Variants in LYZL2 observed in about 807,000 individuals in gnomAD.
LYZL2 encodes the protein lysozyme like 2.
Under a neutral mutation model 17.1 loss-of-function variants are expected in LYZL2, and 13 were observed. The observed-to-expected ratio is 0.76, with a 90% CI of 0.49 to 1.21. LYZL2 has a LOEUF of 1.21. Ranked by LOEUF, LYZL2 falls within the 50% of genes most tolerant of loss-of-function variation. The probability of loss-of-function intolerance (pLI) is 0.00; values close to 1 mark genes in which losing one functional copy is unlikely to be tolerated. For synonymous variants in LYZL2, 63 were observed against 74.4 expected, an observed-to-expected ratio of 0.85 and a Z score of 0.79; for missense variants, 166 against 189.2, an observed-to-expected ratio of 0.88 and a Z score of 0.72.
chr10:30,621,344 C>T (rs991253496), intron 3 of LYZL2, among the ~76,000 whole-genome samples: 4 of 152,090 alleles, frequency 2.6e-5, no homozygotes, highest in African/African-American at 9.7e-5. Context: ...CTTTGGGAGG[C>T]TGAGGTGAGA....
chr10:30,616,961 T>C (rs571687613), intron 3 of LYZL2, among the ~76,000 whole-genome samples: 43 of 152,288 alleles, frequency 2.8e-4, no homozygotes, highest in Non-Finnish European at 4.4e-4. Context: ...ACTTAAGCAT[T>C]TGGTACCTGA....
intron 3 of LYZL2, among the ~76,000 whole-genome samples, chr10:30,622,654 C>T (rs902179575): frequency 6.6e-6 from 1 of 152,196 alleles, no homozygotes; most frequent in African/African-American, 2.4e-5. Context: ...GGCCAATCTC[C>T]CGTTTCTGTA....
rs182367788 is a variant in LYZL2 at position 30,620,107 on chromosome 10, G to A, written c.298+5998C>T. 2.5e-4 allele frequency among the ~76,000 whole-genome samples: 38 copies of A among 152,282 alleles called. 1 individual carries two copies. The East Asian group carries it at 5.8e-3, about 23-fold the overall frequency. On this transcript the variant is annotated intron_variant, in intron 3 of 4. Coordinates refer to ENST00000647634, the MANE Select transcript of LYZL2 (RefSeq NM_183058.3). ...AGGATCGTTTAGAATTTCCTCAAGG[G>A]CAGAGGTTGGTAAACTGCAGCGTGA...
At chr10:30,618,265 G>T (rs1838566541) in intron 3 of LYZL2, among the ~76,000 whole-genome samples, 1 of 152,184 alleles carries the variant, frequency 6.6e-6, no homozygotes, top group South Asian at 2.1e-4. Context: ...GTAATTTATA[G>T]ATTCAATGCC....
At chr10:30,610,906 C>T (rs1183916791), downstream of LYZL2, among the ~76,000 whole-genome samples, 1 of 152,170 alleles carries the variant, frequency 6.6e-6, no homozygotes, top group Non-Finnish European at 1.5e-5. Flanking sequence ...CCTTGTCTCT[C>T]CACATCTCTT....
intron 3 of LYZL2, among the ~76,000 whole-genome samples, chr10:30,617,314 G>A (rs1838543731): frequency 6.6e-6 from 1 of 152,158 alleles, no homozygotes; most frequent in Non-Finnish European, 1.5e-5. Flanking sequence ...CTCCTATGTT[G>A]TTAGAGCATT....
intron 3 of LYZL2, among the ~76,000 whole-genome samples, chr10:30,615,455 T>A (rs388508): frequency 6.6e-6 from 1 of 152,118 alleles, no homozygotes; most frequent in Non-Finnish European, 1.5e-5. Flanking sequence ...GGTAAGCTAT[T>A]GTGACCATAG....
chr10:30,628,088 A>G (rs1023390681), intron 1 of LYZL2, among the ~76,000 whole-genome samples: 2 of 152,070 alleles, frequency 1.3e-5, no homozygotes, highest in Non-Finnish European at 2.9e-5. Flanking sequence ...TGAACCCAGG[A>G]GGCTGAGCTT....
In LYZL2 at chr10:30,626,867, C is replaced by T. The variant is rs140751445; in HGVS notation, c.49G>A (p.Ala17Thr). ...CAACGAGTGTAGATTTTGGACTCGG[C>T]GCCTGTGACCAGGCAGCCAATGAGG... is the stretch of plus-strand genomic sequence containing the variant. ...LTLIGCLVTG[A>T]ESKIYTRCKL... Residue 17 changes from alanine to threonine, a missense_variant, in exon 2 of 5, where the codon GCC (alanine) becomes ACC (threonine). Physicochemically the swap from Ala to Thr is moderately conservative, Grantham distance 58. Around this residue, in one of 2 missense-constraint regions of LYZL2, gnomAD observed 32 missense variants for 59.8 expected, o/e 0.53. Coordinates refer to ENST00000647634, the MANE Select transcript of LYZL2 (RefSeq NM_183058.3). 3.4e-5 allele frequency: 55 copies of T among 1,613,994 alleles called. No homozygotes were observed. The highest frequency in any genetic ancestry group is 3.3e-4 in the Middle Eastern group (2 of 6,084).
At chr10:30,619,026 A>G (rs1838578355) in intron 3 of LYZL2, among the ~76,000 whole-genome samples, 1 of 152,280 alleles carries the variant, frequency 6.6e-6, no homozygotes, top group African/African-American at 2.4e-5. Context: ...GTATATGAAC[A>G]GACACTTCTC....
chr10:30,619,465 G>T (rs1406252357), intron 3 of LYZL2, among the ~76,000 whole-genome samples: 1 of 152,030 alleles, frequency 6.6e-6, no homozygotes, highest in Non-Finnish European at 1.5e-5. Flanking sequence ...AAGAAAATGT[G>T]GCACATATAC....
intron 1 of LYZL2, among the ~76,000 whole-genome samples, 194 bp from the exon 2 acceptor site, chr10:30,627,134 A>G (rs1286332925): frequency 6.6e-6 from 1 of 152,194 alleles, no homozygotes; most frequent in African/African-American, 2.4e-5. Flanking sequence ...ATGCTTTTCC[A>G]TACAGTAACT....
intron 3 of LYZL2, 52 bp downstream of exon 3, chr10:30,626,053 G>T (rs1230444148): frequency 6.3e-7 from 1 of 1,575,454 alleles, no homozygotes; most frequent in East Asian, 2.3e-5. Context: ...TCCCATTGTC[G>T]GCTTTCTCAC....
intron 3 of LYZL2, among the ~76,000 whole-genome samples, chr10:30,617,329 T>C (rs1162145613): frequency 6.6e-6 from 1 of 152,142 alleles, no homozygotes; most frequent in Admixed American, 6.5e-5. Flanking sequence ...AGCATTTTGT[T>C]GCACAATTGG....
At chr10:30,616,993 G>A (rs1443148901) in intron 3 of LYZL2, among the ~76,000 whole-genome samples, 8 of 152,142 alleles carry the variant, frequency 5.3e-5, no homozygotes, top group Non-Finnish European at 8.8e-5. Flanking sequence ...ATTACTTAGA[G>A]ACCCTTTATT....
chr10:30,613,040 C>T lies in LYZL2; in HGVS notation c.299-140G>A, dbSNP rs189804388. ...ATAATTTTCCCTGCAAAGCCACAAT[C>T]TCATTTCTGTTGAGCTTCTTCATAA... On this transcript the variant is annotated intron_variant, in intron 3 of 4. Coordinates refer to ENST00000647634, the MANE Select transcript of LYZL2 (RefSeq NM_183058.3). 3.3e-3 allele frequency: 2,123 copies of T among 642,858 alleles called. 10 individuals carry two copies. The highest frequency in any genetic ancestry group is 5.1e-3 in the Non-Finnish European group (1,856 of 365,772). 39.8% of individuals were successfully genotyped at this position (642,858 alleles called of 1,614,324 possible).
At chr10:30,627,328 C>T (rs1033363548) in intron 1 of LYZL2, among the ~76,000 whole-genome samples, 50 of 151,786 alleles carry the variant, frequency 3.3e-4, no homozygotes, top group African/African-American at 1.2e-3. Flanking sequence ...TGGGTTTGAA[C>T]TGCGTGGGTC....
At chr10:30,609,271 T>G (rs1011675163), downstream of LYZL2, among the ~76,000 whole-genome samples, 8 of 152,158 alleles carry the variant, frequency 5.3e-5, no homozygotes, top group African/African-American at 1.9e-4. Flanking sequence ...CAATTCCCAG[T>G]GACCTAATCC....
At chr10:30,611,566 GGAAGGAAAGAAAGAAA>G (rs1319099557), downstream of LYZL2, among the ~76,000 whole-genome samples, 192 of 63,150 alleles carry the variant, frequency 3.0e-3, no homozygotes, top group East Asian at 0.016. Context: ...AAGGAAGGAA[GGAAGGAAAGAAAGAAA>G]GAAAGAAAGA....
Sources: gnomAD v4.1 joint callset for allele counts (sites outside exome capture counted in the v4.1 genomes callset) on GRCh38, gnomAD v4.1.1 for gene constraint, gnomAD v4.1.1 regional missense constraint, MANE v1.5 for transcripts, NCBI Gene and HGNC (gene_info 2026-07-23, HGNC 2026-07-21) for gene names.